The following FRY variants were observed in gnomAD, a reference collection of about 807,000 sequenced individuals.
FRY encodes the protein protein furry homolog.
Under a neutral mutation model 348.4 loss-of-function variants are expected in FRY, and 128 were observed. The ratio of observed to expected loss-of-function variants is 0.37; its 90% confidence interval spans 0.32 to 0.43. The LOEUF is 0.43. FRY is among the 20% of genes least tolerant of loss of function. The pLI is 1.00. For synonymous variants in FRY, 1,370 were observed against 1,374.7 expected (o/e 1.00, Z 0.08); for missense variants, 2,736 against 3,695.2 (o/e 0.74, Z 6.73).
In FRY at chr13:32,239,576, G is replaced by A; in HGVS notation, c.6517-135G>A. 1 of 729,734 alleles carries A rather than the reference G, an allele frequency of 1.4e-6. No individual in the cohort carries two copies. The highest frequency in any genetic ancestry group is 2.7e-5 in the East Asian group (1 of 37,310). 45.2% of individuals were successfully genotyped at this position (729,734 alleles called of 1,614,324 possible). ...AATTTGTGAAAATTATATTAGCCAA[G>A]CTAAGTATTTCCTGTAATTACCAAA... On this transcript the variant is annotated intron_variant, in intron 45 of 60. Coordinates refer to ENST00000542859, the MANE Select transcript of FRY (RefSeq NM_023037.3). The surrounding 1 kb of genome is among the most constrained non-coding windows in gnomAD (Gnocchi z 4.3).
intron 40 of FRY, among the ~76,000 whole-genome samples, chr13:32,230,048 G>T (rs769623268): frequency 1.3e-5 from 2 of 152,150 alleles, no homozygotes; most frequent in Admixed American, 6.5e-5. Context: ...TCATAAAATT[G>T]TTTAAAATAT....
intron 31 of FRY, among the ~76,000 whole-genome samples, chr13:32,203,308 G>T (rs1172681406): frequency 6.6e-6 from 1 of 152,218 alleles, no homozygotes; most frequent in East Asian, 1.9e-4. Context: ...GTTGTTGAAA[G>T]TTTGAATTTT....
intron 13 of FRY, among the ~76,000 whole-genome samples, 184 bp downstream of exon 13, chr13:32,148,131 A>C (rs1207730437): frequency 6.6e-6 from 1 of 152,212 alleles, no homozygotes; most frequent in Non-Finnish European, 1.5e-5. Flanking sequence ...TTGTGAGTTG[A>C]GTATGTCAAG....
chr13:32,268,879 T>G (rs1206706791), intron 55 of FRY, among the ~76,000 whole-genome samples: 1 of 152,152 alleles, frequency 6.6e-6, no homozygotes, highest in Non-Finnish European at 1.5e-5. Context: ...TTCAGCATTT[T>G]CTTAAGCATA....
At chr13:32,085,907 C>T (rs749992650) in intron 2 of FRY, 14 of 518,892 alleles carry the variant, frequency 2.7e-5, no homozygotes, top group Non-Finnish European at 5.0e-5. Context: ...CCTCCAGGTG[C>T]TCATGCTTTG....
intron 16 of FRY, among the ~76,000 whole-genome samples, chr13:32,160,072 TAACA>T (rs1881355491): frequency 6.6e-6 from 1 of 152,240 alleles, no homozygotes; most frequent in Non-Finnish European, 1.5e-5. Flanking sequence ...TATTAATTCT[TAACA>T]AACTTGTAAA....
chr13:32,068,066 G>A (rs1874373256), intron 1 of FRY, among the ~76,000 whole-genome samples: 1 of 152,126 alleles, frequency 6.6e-6, no homozygotes, highest in South Asian at 2.1e-4. Flanking sequence ...GGTAAGAGGT[G>A]TCCAACCTTT....
At chr13:32,236,017 A>G (rs1886206463) in intron 42 of FRY, 61 bp from the exon 43 acceptor site, 1 of 1,119,104 alleles carries the variant, frequency 8.9e-7, no homozygotes, top group Non-Finnish European at 1.4e-6. Flanking sequence ...AATTAAATTT[A>G]TCTTAGGAAA....
intron 58 of FRY, among the ~76,000 whole-genome samples, chr13:32,282,241 C>G (rs1471103359): frequency 6.6e-6 from 1 of 152,178 alleles, no homozygotes; most frequent in Non-Finnish European, 1.5e-5. Flanking sequence ...CTCCAACACT[C>G]CTGTGTAATC....
intron 14 of FRY, among the ~76,000 whole-genome samples, chr13:32,155,199 C>G (rs930082555): frequency 6.6e-6 from 1 of 152,094 alleles, no homozygotes; most frequent in Non-Finnish European, 1.5e-5. Context: ...TGAGGCATAT[C>G]TTTTAGAGAT....
At chr13:32,128,820 A>C (rs973369709) in intron 7 of FRY, among the ~76,000 whole-genome samples, 1 of 152,234 alleles carries the variant, frequency 6.6e-6, no homozygotes, top group Admixed American at 6.5e-5. Flanking sequence ...TCACATCAGA[A>C]ACACCTGTAG....
chr13:32,132,326 G>T (rs1467489719), intron 8 of FRY, among the ~76,000 whole-genome samples: 1 of 147,256 alleles, frequency 6.8e-6, no homozygotes, highest in Non-Finnish European at 1.5e-5. Context: ...AAGAATTGCT[G>T]CTAAGGAGAA....
intron 39 of FRY, 79 bp from the exon 40 acceptor site, chr13:32,228,377 C>T (rs1885713798): frequency 9.7e-7 from 1 of 1,027,578 alleles, no homozygotes; most frequent in African/African-American, 1.6e-5. Flanking sequence ...ACTTCCCTGC[C>T]CTCCTCTGTG....
intron 53 of FRY, among the ~76,000 whole-genome samples, chr13:32,262,703 T>G (rs992996632): frequency 6.6e-6 from 1 of 152,202 alleles, no homozygotes; most frequent in Non-Finnish European, 1.5e-5. Context: ...AAGACTTGAT[T>G]TGAGGTCTTT....
chr13:32,063,969 G>A (rs943676369), intron 1 of FRY, among the ~76,000 whole-genome samples: 1 of 152,160 alleles, frequency 6.6e-6, no homozygotes, highest in Non-Finnish European at 1.5e-5. Flanking sequence ...AAGCAGTTAA[G>A]TATTTGTTGA....
At position 32,298,530 on chromosome 13, in the gene FRY, C is replaced by G. The variant is rs1593868745; in HGVS notation, c.*3070C>G. The stretch of plus-strand genomic sequence containing the variant: ...CCGCAGCTATCAAGGCAGATGTGGT[C>G]CCTGTTCCCATGAGGCTCCTACATT... On this transcript the variant is annotated 3_prime_UTR_variant, in exon 61 of 61. Coordinates refer to ENST00000542859, the MANE Select transcript of FRY (RefSeq NM_023037.3). 6.6e-6 allele frequency: 1 copy of G among 152,332 alleles called. No individual in the cohort carries two copies. The highest frequency in any genetic ancestry group is 1.9e-4 in the East Asian group (1 of 5,188). 9.4% of individuals were successfully genotyped at this position (152,332 alleles called of 1,614,324 possible).
intron 57 of FRY, among the ~76,000 whole-genome samples, chr13:32,277,476 T>G (rs1476028032): frequency 6.6e-6 from 1 of 152,204 alleles, no homozygotes; most frequent in Non-Finnish European, 1.5e-5. Context: ...ACAACTACCC[T>G]GAGAGTTGCT....
At chr13:32,170,989 A>G (rs762090100) in intron 17 of FRY, 23 bp from the exon 18 acceptor site, 6 of 1,544,766 alleles carry the variant, frequency 3.9e-6, no homozygotes, top group Non-Finnish European at 4.5e-6. Context: ...AAATGATTTT[A>G]TTTTCCTTTA....
Position 32,131,680 on chromosome 13 carries a change from C to G in FRY, c.725C>G (p.Ala242Gly). The part of the protein sequence containing the change: ...IGVLAQAKFP[A>G]VKKKFMAELK... ...TTATGTTATCTTCTTAGATTCCCTG[C>G]TGTAAAGAAGAAATTTATGGCGGAG... The change falls in exon 8 of 61, where the codon GCT becomes GGT. Residue 242 changes from alanine to glycine, a missense_variant. Physicochemically the swap from Ala to Gly is moderately conservative, Grantham distance 60. Coordinates refer to ENST00000542859, the MANE Select transcript of FRY (RefSeq NM_023037.3). 2 of 1,612,598 alleles carry G rather than the reference C, an allele frequency of 1.2e-6. No homozygotes were observed. The highest frequency in any genetic ancestry group is 1.7e-6 in the Non-Finnish European group (2 of 1,178,982).
Sources: allele counts gnomAD v4.1 joint callset (sites outside exome capture counted in the v4.1 genomes callset), GRCh38; gene constraint gnomAD v4.1.1; non-coding constraint Gnocchi (gnomAD v3.1); transcripts MANE v1.5; gene names NCBI Gene and HGNC (gene_info 2026-07-23, HGNC 2026-07-21).